LINGO2: variants seen among roughly 807,000 people sequenced by gnomAD.
The protein encoded by LINGO2 is leucine-rich repeat and immunoglobulin-like domain-containing nogo receptor-interacting protein 2.
Under a neutral mutation model 30.6 loss-of-function variants are expected in LINGO2, and 14 were observed. The observed-to-expected ratio is 0.46, with a 90% confidence interval of 0.30 to 0.72. The LOEUF is 0.72. Among genes scored for constraint, LINGO2 ranks in the 30% least tolerant of loss-of-function variants. The probability of loss-of-function intolerance (pLI) is 0.07; values close to 1 mark genes in which losing one functional copy is unlikely to be tolerated. For missense variants in LINGO2, 729 were observed against 751.7 expected (o/e 0.97, Z 0.35); for synonymous variants, 317 against 288.5 (o/e 1.10, Z -1.00).
At chr9:28,089,310 T>C (rs1026383426) in intron 4 of LINGO2, among the ~76,000 whole-genome samples, 1 of 152,130 alleles carries the variant, frequency 6.6e-6, no homozygotes, top group Non-Finnish European at 1.5e-5. Flanking sequence ...ACCACACAGT[T>C]GGAAGTAAAG....
At chr9:28,889,696 T>G in the LINGO2 span, among the ~76,000 whole-genome samples, 1 of 152,108 alleles carries the variant, frequency 6.6e-6, no homozygotes, top group South Asian at 2.1e-4. Flanking sequence ...AACAAATGGT[T>G]AATTTGCCCA....
chr9:28,101,835 G>A (rs1826425447), intron 4 of LINGO2, among the ~76,000 whole-genome samples: 3 of 152,274 alleles, frequency 2.0e-5, no homozygotes, highest in Non-Finnish European at 2.9e-5. Context: ...TTAGTTTGGG[G>A]AAGAGAAAGA....
chr9:28,332,157 C>A (rs537155259), intron 3 of LINGO2, among the ~76,000 whole-genome samples: 13 of 152,028 alleles, frequency 8.6e-5, no homozygotes, highest in African/African-American at 2.9e-4. Flanking sequence ...TTTTTCAGAG[C>A]AATTTAGGCA....
intron 4 of LINGO2, among the ~76,000 whole-genome samples, chr9:28,021,563 G>C (rs1296192411): frequency 1.3e-5 from 2 of 152,046 alleles, no homozygotes. Context: ...CTGCCTGCTT[G>C]ATTTACCAAT....
At chr9:28,752,466 A>C in the LINGO2 span, among the ~76,000 whole-genome samples, 1 of 152,068 alleles carries the variant, frequency 6.6e-6, no homozygotes, top group Non-Finnish European at 1.5e-5. Context: ...ATTAAAAGGA[A>C]ATACACAAAT....
At chr9:28,813,814 A>T in the LINGO2 span, among the ~76,000 whole-genome samples, 1 of 152,228 alleles carries the variant, frequency 6.6e-6, no homozygotes, top group African/African-American at 2.4e-5. Flanking sequence ...AAAAAATAAA[A>T]AGGATCTAGC....
chr9:27,997,144 A>G (rs1313192834), intron 5 of LINGO2, among the ~76,000 whole-genome samples: 3 of 152,174 alleles, frequency 2.0e-5, no homozygotes, highest in Non-Finnish European at 4.4e-5. Flanking sequence ...CTTTATACTG[A>G]ATTTAATCAA....
chr9:28,962,302 T>G, the LINGO2 span, among the ~76,000 whole-genome samples: 1,283 of 152,216 alleles, frequency 8.4e-3, 28 homozygotes, highest in African/African-American at 0.029. Context: ...AAAAGGGAAC[T>G]GAGATTTAGA....
chr9:28,505,896 A>G (rs1360622998), intron 1 of LINGO2, among the ~76,000 whole-genome samples: 1 of 151,886 alleles, frequency 6.6e-6, no homozygotes, highest in African/African-American at 2.4e-5. Flanking sequence ...TGATGACTTC[A>G]ACTAAATAAC....
the LINGO2 span, among the ~76,000 whole-genome samples, chr9:29,099,913 G>A: frequency 6.6e-6 from 1 of 151,914 alleles, no homozygotes; most frequent in Non-Finnish European, 1.5e-5. Flanking sequence ...TTACTATATT[G>A]AAGAGAAATC....
At chr9:28,471,328 T>G (rs539606653) in intron 2 of LINGO2, among the ~76,000 whole-genome samples, 2 of 152,202 alleles carry the variant, frequency 1.3e-5, no homozygotes, top group Non-Finnish European at 2.9e-5. Flanking sequence ...ACAGTGAATG[T>G]AAAAGAGACC....
At chr9:28,117,770 C>T (rs932749221) in intron 4 of LINGO2, among the ~76,000 whole-genome samples, 2 of 149,042 alleles carry the variant, frequency 1.3e-5, no homozygotes, top group Admixed American at 6.7e-5. Flanking sequence ...TGCTTCGGCT[C>T]GCGGACGGTG....
chr9:28,683,057 T>C, the LINGO2 span, among the ~76,000 whole-genome samples: 1 of 152,134 alleles, frequency 6.6e-6, no homozygotes, highest in Non-Finnish European at 1.5e-5. Flanking sequence ...GAGATAATAA[T>C]AGAAAGAACC....
chr9:28,355,243 GTCTCTCTCTCTGTCTCTGTC>G (rs1820123242), intron 3 of LINGO2, among the ~76,000 whole-genome samples: 1 of 108,694 alleles, frequency 9.2e-6, no homozygotes. Context: ...ATCTCTCTCT[GTCTCTCTCTCTGTCTCTGTC>G]TCTCTCTCTG....
At chr9:29,141,357 A>G in the LINGO2 span, among the ~76,000 whole-genome samples, 1 of 151,924 alleles carries the variant, frequency 6.6e-6, no homozygotes, top group South Asian at 2.1e-4. Context: ...AAAGAGTTAT[A>G]ACTACAAGAT....
intron 1 of LINGO2, among the ~76,000 whole-genome samples, chr9:28,496,143 T>C (rs1265940660): frequency 6.6e-6 from 1 of 152,060 alleles, no homozygotes; most frequent in Non-Finnish European, 1.5e-5. Flanking sequence ...TCTGTTGATT[T>C]GGGGTGGAGA....
chr9:28,441,080 T>G (rs1019903673), intron 2 of LINGO2, among the ~76,000 whole-genome samples: 1 of 152,080 alleles, frequency 6.6e-6, no homozygotes, highest in African/African-American at 2.4e-5. Flanking sequence ...CTTACTTCAC[T>G]TTCTTGCCCT....
intron 1 of LINGO2, among the ~76,000 whole-genome samples, chr9:28,605,682 A>T (rs758540422): frequency 7.9e-5 from 12 of 152,078 alleles, no homozygotes; most frequent in Non-Finnish European, 1.8e-4. Context: ...TCTTCTCATT[A>T]CACAGAATGG....
At chr9:28,933,514 T>G in the LINGO2 span, among the ~76,000 whole-genome samples, 30 of 68,928 alleles carry the variant, frequency 4.4e-4, no homozygotes, top group African/African-American at 1.4e-3. Context: ...GAGAAGACAA[T>G]ATAGAATATA....
Sources: gnomAD v4.1 joint callset for allele counts (sites outside exome capture counted in the v4.1 genomes callset) on GRCh38, gnomAD v4.1.1 for gene constraint, MANE v1.5 for transcripts, NCBI Gene and HGNC (gene_info 2026-07-23, HGNC 2026-07-21) for gene names.